The following OGDH variants were observed in gnomAD, a reference collection of about 807,000 sequenced individuals.
OGDH encodes the protein 2-oxoglutarate dehydrogenase complex component E1.
Under a neutral mutation model 116.6 loss-of-function variants are expected in OGDH, and 38 were observed. The observed-to-expected ratio is 0.33, with a 90% CI of 0.25 to 0.43. OGDH has a LOEUF of 0.43. Among genes scored for constraint, OGDH ranks in the 20% least tolerant of loss-of-function variants. The pLI is 1.00. For missense variants in OGDH, 825 were observed against 1,357.2 expected (o/e 0.61, Z 6.16); for synonymous variants, 488 against 533.3 (o/e 0.92, Z 1.17).
At chr7:44,703,173 T>C (rs999047230) in intron 20 of OGDH, among the ~76,000 whole-genome samples, 2 of 152,072 alleles carry the variant, frequency 1.3e-5, no homozygotes, top group Non-Finnish European at 2.9e-5. Context: ...CCCAGCACTT[T>C]GGGAGTTCGA....
chr7:44,607,583 A>G (rs1020090877), intron 1 of OGDH, among the ~76,000 whole-genome samples: 7 of 152,234 alleles, frequency 4.6e-5, no homozygotes, highest in Admixed American at 6.5e-5. Flanking sequence ...ACTAGTTGCA[A>G]CAGTCAAACT....
chr7:44,705,299 G>A (rs550246518), intron 20 of OGDH, among the ~76,000 whole-genome samples: 384 of 145,870 alleles, frequency 2.6e-3, no homozygotes, highest in African/African-American at 9.3e-3. Flanking sequence ...TGATCCGCCC[G>A]CCTCGGCCTC....
At chr7:44,701,664 GCTT>G (rs1442643687) in intron 20 of OGDH, 49 bp downstream of exon 20, 1 of 1,515,110 alleles carries the variant, frequency 6.6e-7, no homozygotes, top group Non-Finnish European at 9.2e-7. Context: ...TATGTTTGGG[GCTT>G]CTTTGCTGCT....
intron 1 of OGDH, among the ~76,000 whole-genome samples, chr7:44,619,079 G>A (rs76867149): frequency 0.011 from 1,610 of 152,332 alleles, 28 homozygotes; most frequent in African/African-American, 0.037. Context: ...TGAACATGTG[G>A]AGATTCCTGG....
rs561475681 is a variant in OGDH, at chr7:44,623,879, C to T, written c.-27-438C>T. On this transcript the variant is annotated intron_variant, in intron 1 of 22. Transcript: ENST00000222673. ...CAGGATGGTCTTGATCTCCTGACCT[C>T]GTGATCCACCCGCCTTGGCCTCCCA... Among the ~76,000 whole-genome samples, 4 of 152,250 alleles carry T rather than the reference C, an allele frequency of 2.6e-5. No homozygotes were observed. In the South Asian group the frequency reaches 6.2e-4, roughly 24 times the overall value.
chr7:44,694,948 G>A lies in OGDH; in HGVS notation c.1668+372G>A, dbSNP rs369115371. Among the ~76,000 whole-genome samples, 4 of 152,134 alleles carry A rather than the reference G, an allele frequency of 2.6e-5. No individual in the cohort carries two copies. The South Asian group carries it at 6.2e-4, about 24-fold the overall frequency. On this transcript the variant is annotated intron_variant, in intron 12 of 22. Transcript: ENST00000222673. The surrounding 1 kb of genome is among the most constrained non-coding windows in gnomAD (Gnocchi z 4.2). ...TAGTAAGTGCTGGTTGGTTGTGAGT[G>A]GGAAGGCCAAGCAGCTGCCCTAGAG...
chr7:44,611,296 T>A (rs970367651), intron 1 of OGDH, among the ~76,000 whole-genome samples: 1 of 151,864 alleles, frequency 6.6e-6, no homozygotes, highest in African/African-American at 2.4e-5. Context: ...AGTCTCGCTC[T>A]GTCGCCCAGG....
chr7:44,635,862 G>C (rs976987617), intron 2 of OGDH, among the ~76,000 whole-genome samples: 1 of 151,800 alleles, frequency 6.6e-6, no homozygotes, highest in Non-Finnish European at 1.5e-5. Flanking sequence ...GCACCACCAC[G>C]CCCAGCTAAT....
intron 9 of OGDH, among the ~76,000 whole-genome samples, chr7:44,681,238 G>C (rs187851125): frequency 6.6e-6 from 1 of 152,340 alleles, no homozygotes; most frequent in East Asian, 1.9e-4. Flanking sequence ...AGCCTCCCAG[G>C]TGAGCAGAGT....
chr7:44,631,080 G>A (rs1322184216), intron 2 of OGDH, among the ~76,000 whole-genome samples: 3 of 152,226 alleles, frequency 2.0e-5, no homozygotes, highest in South Asian at 2.1e-4. Context: ...TCTGTGGCCC[G>A]GGGGTTGGGG....
Position 44,696,446 on chromosome 7 carries a change from G to A in OGDH, c.1789G>A (p.Gly597Arg), listed in dbSNP as rs1408382541. Residue 597 changes from glycine (G) to arginine (R), a missense_variant, in exon 14 of 23, where the codon GGG (glycine) becomes AGG (arginine). Coordinates refer to ENST00000222673, the MANE Select transcript of OGDH (RefSeq NM_002541.4). ...TCTCCTAGGCTTCTTCACCCTGGACGGGCAGCCCAGGAGCATGTCCTGCCC... is the reference window on the plus strand; with the variant it reads ...TCTCCTAGGCTTCTTCACCCTGGACAGGCAGCCCAGGAGCATGTCCTGCCC... ...SPWPGFFTLD[G>R]QPRSMSCPST... 2 of 1,613,752 alleles carry A rather than the reference G, an allele frequency of 1.2e-6. No homozygotes were observed. The highest frequency in any genetic ancestry group is 1.7e-6 in the Non-Finnish European group (2 of 1,179,914).
chr7:44,608,636 G>A (rs1259301984), intron 1 of OGDH, among the ~76,000 whole-genome samples: 1 of 152,008 alleles, frequency 6.6e-6, no homozygotes, highest in Non-Finnish European at 1.5e-5. Flanking sequence ...CAGGAGAATC[G>A]CTTGAACGCA....
intron 2 of OGDH, among the ~76,000 whole-genome samples, chr7:44,625,564 A>C (rs1225666177): frequency 6.6e-6 from 1 of 152,242 alleles, no homozygotes; most frequent in East Asian, 1.9e-4. Flanking sequence ...TATAGTAATA[A>C]GAGGGTAGGT....
chr7:44,646,554 G>A (rs1786191245), intron 3 of OGDH, among the ~76,000 whole-genome samples: 1 of 152,238 alleles, frequency 6.6e-6, no homozygotes, highest in Non-Finnish European at 1.5e-5. Context: ...GCATAAGGAG[G>A]AAGCCCAGTG....
intron 4 of OGDH, among the ~76,000 whole-genome samples, chr7:44,661,722 C>G (rs140893107): frequency 0.015 from 2,358 of 152,148 alleles, 63 homozygotes; most frequent in African/African-American, 0.054. Flanking sequence ...CTGCCTCAGC[C>G]TCCTGAGTAG....
chr7:44,633,785 A>G (rs1477661609), intron 2 of OGDH, among the ~76,000 whole-genome samples: 1 of 152,226 alleles, frequency 6.6e-6, no homozygotes, highest in African/African-American at 2.4e-5. Context: ...CCAGACGACC[A>G]CAGGTGACCC....
At chr7:44,659,650 C>T (rs1786848753) in intron 4 of OGDH, among the ~76,000 whole-genome samples, 1 of 152,130 alleles carries the variant, frequency 6.6e-6, no homozygotes, top group Admixed American at 6.5e-5. Context: ...TTTATTTCAT[C>T]TAAGTTGTCA....
chr7:44,623,143 C>T (rs1785066054), intron 1 of OGDH, among the ~76,000 whole-genome samples: 1 of 152,162 alleles, frequency 6.6e-6, no homozygotes, highest in Non-Finnish European at 1.5e-5. Flanking sequence ...CTGGACAACC[C>T]TCTGTGGCTT....
intron 5 of OGDH, among the ~76,000 whole-genome samples, chr7:44,671,037 A>G (rs1787426586): frequency 6.6e-6 from 1 of 151,868 alleles, no homozygotes; most frequent in Non-Finnish European, 1.5e-5. Flanking sequence ...AAGAAAAGAA[A>G]AAAAAGAAAA....
Sources: allele counts gnomAD v4.1 joint callset (sites outside exome capture counted in the v4.1 genomes callset), GRCh38; gene constraint gnomAD v4.1.1; non-coding constraint Gnocchi (gnomAD v3.1); transcripts MANE v1.5; gene names NCBI Gene and HGNC (gene_info 2026-07-23, HGNC 2026-07-21).